CCDC175: variants seen among roughly 807,000 people sequenced by gnomAD.
CCDC175 encodes the protein coiled-coil domain-containing protein 175.
In CCDC175, 100 loss-of-function variants were observed where a neutral mutation model predicts 114.6. The observed-to-expected ratio is 0.87, with a 90% confidence interval of 0.74 to 1.03. The LOEUF is 1.03. Ranked by LOEUF, CCDC175 falls within the 50% of genes least tolerant of loss-of-function variation. The pLI, the probability that CCDC175 is intolerant of heterozygous loss-of-function variation, is 0.00. For synonymous variants in CCDC175, 306 were observed against 308.7 expected (o/e 0.99, Z 0.09); for missense variants, 880 against 917.8 (o/e 0.96, Z 0.53).
At chr14:59,547,731 A>G (rs1307775465) in intron 8 of CCDC175, among the ~76,000 whole-genome samples, 1 of 152,220 alleles carries the variant, frequency 6.6e-6, no homozygotes, top group African/African-American at 2.4e-5. Flanking sequence ...GAAAGGTCAA[A>G]CAACAAAGCT....
intron 13 of CCDC175, among the ~76,000 whole-genome samples, chr14:59,536,779 G>A (rs1894425421): frequency 6.6e-6 from 1 of 151,932 alleles, no homozygotes; most frequent in African/African-American, 2.4e-5. Context: ...TTTGATCATA[G>A]TATTTTGTTT....
At chr14:59,532,677 T>C (rs1310241473) in intron 13 of CCDC175, among the ~76,000 whole-genome samples, 1 of 152,166 alleles carries the variant, frequency 6.6e-6, no homozygotes, top group Non-Finnish European at 1.5e-5. Flanking sequence ...AACAGCTGTG[T>C]GCTCCCCTGT....
chr14:59,561,182 A>T lies in CCDC175; in HGVS notation c.890T>A (p.Ile297Lys). ...ACTGACCTCTTGTTCCCAATACCTT[A>T]TTGATTCGTGTAGTCGTGCTATCTC... ...NLEIARLHES[I>K]RYWEQEVSEL... Residue 297 changes from isoleucine to lysine, a missense_variant, in exon 7 of 20, where the codon ATA becomes AAA. Transcript: ENST00000537690. The T allele has an allele frequency of 6.5e-7, 1 of 1,535,890 alleles. No individual in the cohort carries two copies. The highest frequency in any genetic ancestry group is 8.7e-7 in the Non-Finnish European group (1 of 1,145,922).
chr14:59,505,441 A>G, intron 19 of CCDC175, 126 bp from the exon 20 acceptor site: 1 of 340,188 alleles, frequency 2.9e-6, no homozygotes, highest in Non-Finnish European at 4.8e-6. Context: ...TAATCGGGGT[A>G]GAGTAGGGAG....
intron 19 of CCDC175, among the ~76,000 whole-genome samples, chr14:59,509,030 A>C (rs529048932): frequency 6.6e-6 from 1 of 152,204 alleles, no homozygotes; most frequent in African/African-American, 2.4e-5. Context: ...ACACACTGCC[A>C]GTCTCTACTT....
At chr14:59,544,633 G>C (rs1388198425) in intron 9 of CCDC175, among the ~76,000 whole-genome samples, 2 of 152,024 alleles carry the variant, frequency 1.3e-5, no homozygotes, top group Non-Finnish European at 2.9e-5. Flanking sequence ...TTCTATATTT[G>C]AATTTAAAAA....
intron 11 of CCDC175, among the ~76,000 whole-genome samples, chr14:59,539,122 A>C (rs1894602033): frequency 1.3e-5 from 2 of 152,234 alleles, no homozygotes; most frequent in Admixed American, 1.3e-4. Context: ...AAAGGATAGA[A>C]ATGAGGAAGG....
chr14:59,528,309 A>G (rs933306908), intron 14 of CCDC175, among the ~76,000 whole-genome samples: 3 of 152,052 alleles, frequency 2.0e-5, no homozygotes, highest in Non-Finnish European at 4.4e-5. Flanking sequence ...GAAATTCCAC[A>G]CTAATATGGC....
At chr14:59,530,166 C>T (rs954654307) in intron 14 of CCDC175, among the ~76,000 whole-genome samples, 14 of 151,810 alleles carry the variant, frequency 9.2e-5, no homozygotes, top group Non-Finnish European at 2.9e-5. Context: ...CAGGAGTTCA[C>T]GACCACCCTG....
intron 4 of CCDC175, among the ~76,000 whole-genome samples, chr14:59,567,051 C>T (rs1595077789): frequency 6.6e-6 from 1 of 152,208 alleles, no homozygotes; most frequent in Admixed American, 6.5e-5. Flanking sequence ...TTAACAAGCC[C>T]TCCAGATGAT....
At chr14:59,532,556 T>C (rs921450490) in intron 13 of CCDC175, among the ~76,000 whole-genome samples, 3 of 152,226 alleles carry the variant, frequency 2.0e-5, no homozygotes, top group Non-Finnish European at 4.4e-5. Flanking sequence ...GCTGAGCACA[T>C]GGCTTCTGGC....
At chr14:59,529,320 A>G (rs1013524885) in intron 14 of CCDC175, among the ~76,000 whole-genome samples, 1 of 152,172 alleles carries the variant, frequency 6.6e-6, no homozygotes, top group East Asian at 1.9e-4. Flanking sequence ...GCTCTCAGCC[A>G]TATCTGATGC....
At chr14:59,520,879 A>G (rs1893392550) in intron 17 of CCDC175, among the ~76,000 whole-genome samples, 1 of 152,208 alleles carries the variant, frequency 6.6e-6, no homozygotes, top group Non-Finnish European at 1.5e-5. Context: ...TTTTGTAGTC[A>G]TGAAAATGCT....
At chr14:59,567,194 G>C (rs1424838370) in intron 4 of CCDC175, among the ~76,000 whole-genome samples, 1 of 152,162 alleles carries the variant, frequency 6.6e-6, no homozygotes, top group Non-Finnish European at 1.5e-5. Context: ...TATGTAGCAG[G>C]CTCTGGCCAT....
intron 8 of CCDC175, among the ~76,000 whole-genome samples, chr14:59,549,114 A>G (rs1895293855): frequency 6.6e-6 from 1 of 152,252 alleles, no homozygotes; most frequent in Non-Finnish European, 1.5e-5. Flanking sequence ...AATTTGTTTT[A>G]GAAACTAGTG....
chr14:59,506,955 T>C (rs577464793), intron 19 of CCDC175, among the ~76,000 whole-genome samples: 1 of 148,666 alleles, frequency 6.7e-6, no homozygotes, highest in Non-Finnish European at 1.5e-5. Context: ...ATATATGATG[T>C]AATACTCAAG....
chr14:59,556,280 A>C (rs935618763), intron 7 of CCDC175, among the ~76,000 whole-genome samples: 8 of 152,218 alleles, frequency 5.3e-5, no homozygotes, highest in African/African-American at 1.9e-4. Flanking sequence ...CCAATGGAAC[A>C]GAAGAGAGCC....
intron 17 of CCDC175, among the ~76,000 whole-genome samples, chr14:59,515,439 A>C (rs1014038634): frequency 6.6e-6 from 1 of 152,242 alleles, no homozygotes; most frequent in African/African-American, 2.4e-5. Flanking sequence ...ATGCAGAGAC[A>C]CATATAGGCT....
chr14:59,519,384 T>A (rs918282086), intron 17 of CCDC175, among the ~76,000 whole-genome samples: 3 of 152,062 alleles, frequency 2.0e-5, no homozygotes, highest in Admixed American at 6.5e-5. Context: ...AAAAAAATTA[T>A]ACAAGAAAAT....
Sources: gnomAD v4.1 joint callset for allele counts (sites outside exome capture counted in the v4.1 genomes callset) on GRCh38, gnomAD v4.1.1 for gene constraint, MANE v1.5 for transcripts, NCBI Gene and HGNC (gene_info 2026-07-23, HGNC 2026-07-21) for gene names.